The following ALOX5AP variants were observed in gnomAD, a reference collection of about 807,000 sequenced individuals.
ALOX5AP encodes the protein arachidonate 5-lipoxygenase activating protein.
ALOX5AP carries 9 observed loss-of-function variants against 18.5 expected under a neutral mutation model. That is an observed-to-expected ratio of 0.49 (90% CI 0.29 to 0.85). The LOEUF (loss-of-function observed/expected upper bound fraction) is 0.85, where lower values mean the gene tolerates loss of function less well. Ranked by LOEUF, ALOX5AP falls within the 40% of genes least tolerant of loss-of-function variation. The pLI is 0.08. For missense variants in ALOX5AP, 172 were observed against 202.5 expected (o/e 0.85, Z 0.91); for synonymous variants, 81 against 78.6 (o/e 1.03, Z -0.16).
intron 1 of ALOX5AP, among the ~76,000 whole-genome samples, chr13:30,737,926 A>G (rs1475081462): frequency 2.0e-5 from 3 of 152,222 alleles, no homozygotes; most frequent in African/African-American, 4.8e-5. Flanking sequence ...ACAAAGATCC[A>G]GATGTATGTC....
At chr13:30,724,475 C>T (rs1452292766) in intron 1 of ALOX5AP, among the ~76,000 whole-genome samples, 1 of 152,146 alleles carries the variant, frequency 6.6e-6, no homozygotes. Flanking sequence ...GGCCTTAAGA[C>T]ACAACTCTGC....
chr13:30,717,093 C>A (rs1465667238), intron 1 of ALOX5AP, among the ~76,000 whole-genome samples: 1 of 152,208 alleles, frequency 6.6e-6, no homozygotes, highest in African/African-American at 2.4e-5. Context: ...CGCTACACAT[C>A]ACTCACAGTC....
chr13:30,721,891 C>T (rs990751099), intron 1 of ALOX5AP, among the ~76,000 whole-genome samples: 1 of 152,192 alleles, frequency 6.6e-6, no homozygotes, highest in African/African-American at 2.4e-5. Context: ...TTTGAACATA[C>T]TGTTTCTTCT....
At chr13:30,746,400 G>A (rs1273108552) in intron 2 of ALOX5AP, among the ~76,000 whole-genome samples, 1 of 152,232 alleles carries the variant, frequency 6.6e-6, no homozygotes, top group African/African-American at 2.4e-5. Flanking sequence ...AAGCAGGCAG[G>A]GTGGAGAGTT....
chr13:30,748,593 T>C (rs922260928), intron 2 of ALOX5AP, among the ~76,000 whole-genome samples: 3 of 152,080 alleles, frequency 2.0e-5, no homozygotes, highest in African/African-American at 7.2e-5. Flanking sequence ...TAGCGCAAAA[T>C]TTCTCAAAAG....
Position 30,719,853 on chromosome 13 carries a change from T to C in ALOX5AP, c.116+6012T>C, listed in dbSNP as rs543606175. 5.7e-3 allele frequency among the ~76,000 whole-genome samples: 863 copies of C among 152,152 alleles called. 5 individuals are homozygous for C. The highest frequency in any genetic ancestry group is 6.7e-3 in the Non-Finnish European group (459 of 68,000). ...CAAATGCTCTGTTCCCTTTTTTTTT[T>C]CCCAGAGGATAATTTTTTTTTTTCT... is the stretch of plus-strand genomic sequence containing the variant. On this transcript the variant is annotated intron_variant, in intron 1 of 5. Transcript: ENST00000617770.
intron 3 of ALOX5AP, among the ~76,000 whole-genome samples, chr13:30,752,680 C>T (rs1951862226): frequency 6.6e-6 from 1 of 152,220 alleles, no homozygotes; most frequent in Non-Finnish European, 1.5e-5. Flanking sequence ...GGTCCCCTTT[C>T]GGGGCCACGC....
At chr13:30,759,736 CT>C (rs1951925667) in intron 4 of ALOX5AP, among the ~76,000 whole-genome samples, 1 of 152,168 alleles carries the variant, frequency 6.6e-6, no homozygotes, top group Non-Finnish European at 1.5e-5. Flanking sequence ...GAGAAACATT[CT>C]TCTTTTGGAA....
intron 4 of ALOX5AP, among the ~76,000 whole-genome samples, chr13:30,758,052 C>T (rs1216765570): frequency 1.3e-5 from 2 of 152,134 alleles, no homozygotes; most frequent in African/African-American, 4.8e-5. Flanking sequence ...GGTGCTCTTT[C>T]TTCCAGAGAC....
At chr13:30,737,929 T>C (rs1951733595) in intron 1 of ALOX5AP, among the ~76,000 whole-genome samples, 1 of 152,210 alleles carries the variant, frequency 6.6e-6, no homozygotes. Flanking sequence ...AAGATCCAGA[T>C]GTATGTCCAA....
intron 4 of ALOX5AP, among the ~76,000 whole-genome samples, chr13:30,758,785 CCCCTT>C: frequency 6.6e-6 from 1 of 151,542 alleles, no homozygotes; most frequent in Non-Finnish European, 1.5e-5. Flanking sequence ...CTTCTCTTTT[CCCCTT>C]CCCTTCCCTT....
At chr13:30,726,818 A>G (rs561509530) in intron 1 of ALOX5AP, among the ~76,000 whole-genome samples, 1 of 152,094 alleles carries the variant, frequency 6.6e-6, no homozygotes, top group African/African-American at 2.4e-5. Flanking sequence ...GGCATGCACC[A>G]CCATACCCAG....
chr13:30,722,299 G>A (rs1951600200), intron 1 of ALOX5AP, among the ~76,000 whole-genome samples: 1 of 152,222 alleles, frequency 6.6e-6, no homozygotes, highest in Non-Finnish European at 1.5e-5. Flanking sequence ...AGAACAGGAA[G>A]AAAGAAGGCA....
intron 1 of ALOX5AP, among the ~76,000 whole-genome samples, chr13:30,722,846 T>A (rs937887869): frequency 6.6e-6 from 1 of 152,198 alleles, no homozygotes; most frequent in Non-Finnish European, 1.5e-5. Context: ...CCTCTCTCAC[T>A]CTTGCTTCCT....
intron 1 of ALOX5AP, among the ~76,000 whole-genome samples, chr13:30,718,280 C>T (rs1951565496): frequency 6.6e-6 from 1 of 151,622 alleles, no homozygotes; most frequent in African/African-American, 2.4e-5. Flanking sequence ...TTTTTGAGGC[C>T]TGCCTCTGAG....
chr13:30,762,443 G>T (rs1304873950), intron 4 of ALOX5AP, among the ~76,000 whole-genome samples: 1 of 152,126 alleles, frequency 6.6e-6, no homozygotes, highest in African/African-American at 2.4e-5. Context: ...ACAAAAATTA[G>T]CCAGGTGTGG....
chr13:30,727,017 G>A (rs1951644424), intron 1 of ALOX5AP, among the ~76,000 whole-genome samples: 1 of 150,882 alleles, frequency 6.6e-6, no homozygotes, highest in South Asian at 2.1e-4. Context: ...ATTTTCTGTT[G>A]GATGAGAGAA....
chr13:30,744,333 C>T (rs1951791625), intron 2 of ALOX5AP, 174 bp downstream of exon 2: 1 of 577,388 alleles, frequency 1.7e-6, no homozygotes, highest in African/African-American at 1.9e-5. Flanking sequence ...CCTTTATCAT[C>T]TTAGTGAGTG....
In ALOX5AP at chr13:30,744,056, G is replaced by C. The variant is rs1038621588; in HGVS notation, c.71-4G>C. 6.2e-7 allele frequency: 1 copy of C among 1,613,348 alleles called. No individual in the cohort carries two copies. Among genetic ancestry groups the C allele is most frequent in the Non-Finnish European group, 8.5e-7 (1 of 1,179,442 alleles). On this transcript the variant is annotated splice_region_variant and splice_polypyrimidine_tract_variant and intron_variant, in intron 1 of 4. Transcript: ENST00000380490. ...AACCAGATGCAAACCTTTTCCCTTG[G>C]CAGGATTCTTTGCCCATAAAGTGGA...
Sources: allele counts gnomAD v4.1 joint callset (sites outside exome capture counted in the v4.1 genomes callset), GRCh38; gene constraint gnomAD v4.1.1; transcripts MANE v1.5; gene names NCBI Gene and HGNC (gene_info 2026-07-23, HGNC 2026-07-21).